The following PCDHA10 variants were observed in gnomAD, a reference collection of about 807,000 sequenced individuals.
PCDHA10 encodes protocadherin alpha 10, also known as protocadherin alpha-10.
Under a neutral mutation model 61.2 loss-of-function variants are expected in PCDHA10, and 45 were observed. The ratio of observed to expected loss-of-function variants is 0.74; its 90% CI spans 0.58 to 0.94. PCDHA10 has a LOEUF of 0.94. Among genes scored for constraint, PCDHA10 ranks in the 40% least tolerant of loss-of-function variants. The pLI is 0.00. For missense variants in PCDHA10, 1,278 were observed against 1,236.2 expected, an observed-to-expected ratio of 1.03 and a Z score of -0.51; for synonymous variants, 602 against 548.8, an observed-to-expected ratio of 1.10 and a Z score of -1.35.
chr5:140,942,990 C>T (rs1460211642), intron 1 of PCDHA10, among the ~76,000 whole-genome samples: 4 of 151,892 alleles, frequency 2.6e-5, no homozygotes, highest in Non-Finnish European at 5.9e-5. Context: ...GGTGTGGTGG[C>T]TCATGCCTGT....
chr5:140,903,987 C>A (rs1324981597), intron 1 of PCDHA10, among the ~76,000 whole-genome samples: 1 of 152,146 alleles, frequency 6.6e-6, no homozygotes, highest in Non-Finnish European at 1.5e-5. Flanking sequence ...CACAATGTAA[C>A]AGCTACAAAT....
At chr5:140,888,972 G>A (rs900678700) in intron 1 of PCDHA10, among the ~76,000 whole-genome samples, 15 of 151,928 alleles carry the variant, frequency 9.9e-5, no homozygotes, top group Non-Finnish European at 4.4e-5. Context: ...TTAATGTGTT[G>A]AATTTATGAT....
At position 140,856,535 on chromosome 5, in the gene PCDHA10, G is replaced by C. The variant is rs782625131; in HGVS notation, c.487G>C (p.Glu163Gln). 1 of 1,598,416 alleles carries C rather than the reference G, an allele frequency of 6.3e-7. No individual in the cohort carries two copies. The highest frequency in any genetic ancestry group is 8.6e-7 in the Non-Finnish European group (1 of 1,167,826). The change falls in exon 1 of 4, where the codon GAG (glutamate) becomes CAG (glutamine). Residue 163 changes from glutamate (E) to glutamine (Q), a missense_variant. Coordinates refer to ENST00000307360, the MANE Select transcript of PCDHA10 (RefSeq NM_018901.4). ...LEGASDADVG[E>Q]NALLTYKLSP... The stretch of plus-strand genomic sequence containing the variant: ...AGGCGCATCTGATGCGGATGTTGGA[G>C]AGAACGCATTGCTTACTTACAAACT...
In PCDHA10 at chr5:140,871,299, G is replaced by T. The variant is rs782459625; in HGVS notation, c.2388+12863G>T. On this transcript the variant is annotated intron_variant, in intron 1 of 3. Coordinates refer to ENST00000307360, the MANE Select transcript of PCDHA10 (RefSeq NM_018901.4). The stretch of plus-strand genomic sequence containing the variant: ...CAACGCCCACTGAGGGCGCGTGCGC[G>T]CCGGGGAAGCCCACGCTGGTGTGCT... 1.5e-5 allele frequency: 24 copies of T among 1,613,798 alleles called. No homozygotes were observed. In the East Asian group the frequency reaches 5.3e-4, roughly 36 times the overall value.
In PCDHA10 at chr5:140,922,322, GA is replaced by G. The variant is rs2080774913; in HGVS notation, c.2389-56624del. Among the ~76,000 whole-genome samples the G allele has an allele frequency of 2.0e-5, 3 of 152,302 alleles. No homozygotes were observed. The East Asian group carries it at 5.8e-4, about 29-fold the overall frequency. ...AGGATACCTTTCACTGAAGATCTTG[GA>G]AAGGGTTGGTATATTGGTATTTTCT... On this transcript the variant is annotated intron_variant, in intron 1 of 3. Transcript: ENST00000307360.
intron 1 of PCDHA10, chr5:140,868,497 T>C (rs1458506620): frequency 1.3e-5 from 2 of 152,376 alleles, no homozygotes; most frequent in Admixed American, 6.5e-5. Flanking sequence ...TTGAGTTCCC[T>C]AGCAGCCAAA....
chr5:140,882,129 T>G lies in PCDHA10; in HGVS notation c.2388+23693T>G. 10 of 1,473,110 alleles carry G rather than the reference T, an allele frequency of 6.8e-6. No homozygotes were observed. The South Asian group carries it at 9.9e-5, about 15-fold the overall frequency. The allele number at this position is 1,473,110 out of a possible 1,614,324, so 91.3% of individuals were successfully genotyped here. On this transcript the variant is annotated intron_variant, in intron 1 of 3. Transcript: ENST00000307360. ...AAGAAAGCCGCCGTTTCTTTCTTCC[T>G]GCAGAAAATATAGCAGAAAGCGGAA...
intron 1 of PCDHA10, chr5:140,876,344 G>T (rs1554168492): frequency 6.2e-7 from 1 of 1,614,040 alleles, no homozygotes; most frequent in Admixed American, 1.7e-5. Flanking sequence ...AGTGAGAAAT[G>T]TATGTTTTCA....
intron 3 of PCDHA10, among the ~76,000 whole-genome samples, chr5:140,991,948 A>G (rs2097482017): frequency 6.6e-6 from 1 of 152,046 alleles, no homozygotes; most frequent in Non-Finnish European, 1.5e-5. Flanking sequence ...TAAAATTAGA[A>G]TGCAGTCATT....
intron 1 of PCDHA10, chr5:140,883,531 T>G: frequency 6.2e-7 from 1 of 1,614,210 alleles, no homozygotes; most frequent in Non-Finnish European, 8.5e-7. Flanking sequence ...TATCAGCCTA[T>G]GAACTGGTGG....
At chr5:140,866,566 A>C (rs1554160398) in intron 1 of PCDHA10, 1 of 152,154 alleles carries the variant, frequency 6.6e-6, no homozygotes, top group Non-Finnish European at 1.5e-5. Context: ...TAATTTTGTT[A>C]ATACAGTGGT....
At chr5:140,898,748 G>C (rs1397892217) in intron 1 of PCDHA10, among the ~76,000 whole-genome samples, 44 of 152,222 alleles carry the variant, frequency 2.9e-4, no homozygotes, top group Non-Finnish European at 5.0e-4. Context: ...TAGCTTGATG[G>C]GGATGGCATT....
chr5:140,933,833 A>G (rs944428844), intron 1 of PCDHA10, among the ~76,000 whole-genome samples: 1 of 151,928 alleles, frequency 6.6e-6, no homozygotes, highest in East Asian at 1.9e-4. Flanking sequence ...TATTGCTCCT[A>G]TTTCATTCCT....
In PCDHA10 at chr5:141,011,714, C is replaced by G. The variant is rs2098421596; in HGVS notation, c.*1777C>G. On this transcript the variant is annotated 3_prime_UTR_variant, in exon 4 of 4. Transcript: ENST00000307360. ...TTTTGGAATGAATACTGACAATATT[C>G]CATGAGGGTGTGCAAGCACAAATTT... 1 of 153,650 alleles carries G rather than the reference C, an allele frequency of 6.5e-6. No individual in the cohort carries two copies. Among genetic ancestry groups the G allele is most frequent in the South Asian group, 2.1e-4 (1 of 4,822 alleles). 9.5% of individuals were successfully genotyped at this position (153,650 alleles called of 1,614,324 possible).
At chr5:140,998,055 T>C (rs2097794971) in intron 3 of PCDHA10, among the ~76,000 whole-genome samples, 1 of 152,190 alleles carries the variant, frequency 6.6e-6, no homozygotes, top group Non-Finnish European at 1.5e-5. Flanking sequence ...AGTGACATCA[T>C]CATCAACAGA....
At chr5:140,999,138 C>G (rs530740266) in intron 3 of PCDHA10, among the ~76,000 whole-genome samples, 1 of 152,258 alleles carries the variant, frequency 6.6e-6, no homozygotes, top group East Asian at 1.9e-4. Context: ...AATGTCACAG[C>G]CGGAAGTCTT....
chr5:140,965,012 C>T (rs1405445486), intron 1 of PCDHA10, among the ~76,000 whole-genome samples: 2 of 152,188 alleles, frequency 1.3e-5, no homozygotes, highest in African/African-American at 4.8e-5. Flanking sequence ...GTCAGGATCA[C>T]AACCTTGGCT....
rs782663646 is a variant in PCDHA10 at position 140,857,793 on chromosome 5, G to T, written c.1745G>T (p.Arg582Leu). Residue 582 changes from arginine (R) to leucine (L), a missense_variant, in exon 1 of 4, where the codon CGG becomes CTG. Coordinates refer to ENST00000307360, the MANE Select transcript of PCDHA10 (RefSeq NM_018901.4). ...GGTGCAGTCAGTGAGCTGGTGCTGCGGTCGGTGGTTGCGGGTCACGTGGTG... is the reference window on the plus strand; with the variant it reads ...GGTGCAGTCAGTGAGCTGGTGCTGCTGTCGGTGGTTGCGGGTCACGTGGTG... ...AGGAVSELVL[R>L]SVVAGHVVAK... 1.9e-6 allele frequency: 3 copies of T among 1,597,706 alleles called. No individual in the cohort carries two copies. Among genetic ancestry groups the T allele is most frequent in the Non-Finnish European group, 2.6e-6 (3 of 1,167,586 alleles).
chr5:140,856,737 T>C lies in PCDHA10; in HGVS notation c.689T>C (p.Leu230Pro), dbSNP rs369958206. ...EFTGSVSLLILVLDANDNAPI... is the reference protein window; with the variant it reads ...EFTGSVSLLIPVLDANDNAPI... ...ACCGGATCTGTTTCTCTGCTGATCCTGGTGTTAGATGCCAATGATAACGCC... is the reference window on the plus strand; with the variant it reads ...ACCGGATCTGTTTCTCTGCTGATCCCGGTGTTAGATGCCAATGATAACGCC... The change falls in exon 1 of 4, where the codon CTG becomes CCG. Residue 230 changes from leucine to proline, a missense_variant. Leu to Pro is a moderately conservative substitution (Grantham distance 98). Transcript: ENST00000307360. 4.4e-6 allele frequency: 7 copies of C among 1,595,910 alleles called. No homozygotes were observed. Among genetic ancestry groups the C allele is most frequent in the African/African-American group, 1.3e-5 (1 of 74,246 alleles).
Sources: allele counts gnomAD v4.1 joint callset (sites outside exome capture counted in the v4.1 genomes callset), GRCh38; gene constraint gnomAD v4.1.1; transcripts MANE v1.5; gene names NCBI Gene and HGNC (gene_info 2026-07-23, HGNC 2026-07-21).